The following WDR62 variants were observed in gnomAD, a reference collection of about 807,000 sequenced individuals.
The protein encoded by WDR62 is WD repeat-containing protein 62.
In WDR62, 112 loss-of-function variants were observed where a neutral mutation model predicts 160.6. The observed-to-expected ratio is 0.70, with a 90% CI of 0.60 to 0.82. WDR62 has a LOEUF of 0.82. Among genes scored for constraint, WDR62 ranks in the 40% least tolerant of loss-of-function variants. WDR62 has a pLI of 0.00. For synonymous variants in WDR62, 792 were observed against 815.1 expected (o/e 0.97, Z 0.48); for missense variants, 1,819 against 1,983.8 (o/e 0.92, Z 1.58).
chr19:36,069,798 G>A (rs1002426771), intron 7 of WDR62, among the ~76,000 whole-genome samples: 27 of 152,244 alleles, frequency 1.8e-4, no homozygotes, highest in African/African-American at 5.8e-4. Flanking sequence ...AGACCAGCCC[G>A]GCCAACACAG....
chr19:36,106,271 C>T (rs542241305), downstream of WDR62, among the ~76,000 whole-genome samples: 1 of 149,628 alleles, frequency 6.7e-6, no homozygotes, highest in Non-Finnish European at 1.5e-5. Context: ...GAGGTTGAGG[C>T]AGGAGAATCG....
At position 36,058,659 on chromosome 19, in the gene WDR62, G is replaced by A. The variant is rs570919004; in HGVS notation, c.178-121G>A. 1.0e-4 allele frequency: 76 copies of A among 739,764 alleles called. No individual in the cohort carries two copies. In the African/African-American group the frequency reaches 1.1e-3, roughly 10 times the overall value. 45.8% of individuals were successfully genotyped at this position (739,764 alleles called of 1,614,324 possible). A position where few individuals can be genotyped will look rare whatever the true frequency, so the allele number is the denominator to read the frequency against. On this transcript the variant is annotated intron_variant, in intron 1 of 31. Transcript: ENST00000401500. Reference sequence around the variant, plus strand: ...CAAGTGTTAGCTGCTGGTGGATGGCGTGGCCACAGAAGCTCAGTGTGGGTG... The same window carrying A: ...CAAGTGTTAGCTGCTGGTGGATGGCATGGCCACAGAAGCTCAGTGTGGGTG...
chr19:36,067,399 C>A lies in WDR62; in HGVS notation c.655C>A (p.Arg219Ser). The A allele has an allele frequency of 6.2e-7, 1 of 1,614,232 alleles. No individual in the cohort carries two copies. Among genetic ancestry groups the A allele is most frequent in the South Asian group, 1.1e-5 (1 of 91,084 alleles). Residue 219 changes from arginine (R) to serine (S), a missense_variant, in exon 6 of 32, where the codon CGC becomes AGC. Physicochemically the swap from Arg to Ser is moderately radical, Grantham distance 110. Around this residue, in one of 3 missense-constraint regions of WDR62, gnomAD observed 934 missense variants for 1,157.2 expected, o/e 0.81. Transcript: ENST00000401500. ...CAGCTATTTTGTCACTGTTGGGAAC[C>A]GCCATGTGAGGTTCTGGTTCTTGGA... ...DSSYFVTVGN[R>S]HVRFWFLEVS...
chr19:36,057,320 T>A (rs562240136), intron 1 of WDR62, among the ~76,000 whole-genome samples: 8 of 152,332 alleles, frequency 5.3e-5, no homozygotes, highest in Admixed American at 1.3e-4. Context: ...TTATTTATTT[T>A]TTTTGTTTGG....
At position 36,104,595 on chromosome 19, in the gene WDR62, C is replaced by A; in HGVS notation, c.4231C>A (p.Pro1411Thr). 6.2e-7 allele frequency: 1 copy of A among 1,613,756 alleles called. No homozygotes were observed. The highest frequency in any genetic ancestry group is 8.5e-7 in the Non-Finnish European group (1 of 1,179,960). The change falls in exon 31 of 32, where the codon CCC becomes ACC. Residue 1411 changes from proline (P) to threonine (T), a missense_variant. Coordinates refer to ENST00000401500, the MANE Select transcript of WDR62 (RefSeq NM_001083961.2). ...GCCGGTTGAAGCCCTGCCCCCATCT[C>A]CCCTTGAGCTGAGCAGGGTGGGGAA... Reference protein sequence around the residue: ...WVPVEALPPSPLELSRVGNIL... With the variant: ...WVPVEALPPSTLELSRVGNIL...
chr19:36,058,020 G>A (rs969375662), intron 1 of WDR62, among the ~76,000 whole-genome samples: 7 of 152,122 alleles, frequency 4.6e-5, no homozygotes, highest in East Asian at 3.9e-4. Context: ...AGCCTTCTTC[G>A]TGGCTTGTTG....
At chr19:36,080,374 G>A (rs1335129639) in intron 9 of WDR62, among the ~76,000 whole-genome samples, 3 of 151,422 alleles carry the variant, frequency 2.0e-5, no homozygotes, top group East Asian at 3.9e-4. Flanking sequence ...TCGGCCTCCC[G>A]AAGTGCTGGG....
At chr19:36,102,618 G>T in intron 26 of WDR62, 119 bp from the exon 27 acceptor site, 4 of 819,152 alleles carry the variant, frequency 4.9e-6, no homozygotes, top group Non-Finnish European at 8.0e-6. Flanking sequence ...GCCCCTGCTC[G>T]TACCCTGTGT....
intron 12 of WDR62, among the ~76,000 whole-genome samples, chr19:36,085,506 C>T (rs796172157): frequency 3.4e-5 from 5 of 148,792 alleles, no homozygotes; most frequent in African/African-American, 9.9e-5. Flanking sequence ...CTGCAACTTC[C>T]GCCTCCCAGG....
At position 36,103,716 on chromosome 19, in the gene WDR62, C is replaced by A. The variant is rs760582126; in HGVS notation, c.3888C>A (p.Asn1296Lys). ...GGGGCAACCACGAGGCCCGGGCCAA[C>A]CTGAGACTGACCCTGTCAAGTGCCT... is the stretch of plus-strand genomic sequence containing the variant. ...RSWGNHEARA[N>K]LRLTLSSACD... Residue 1296 changes from asparagine (N) to lysine (K), a missense_variant, in exon 30 of 32, where the codon AAC becomes AAA. Transcript: ENST00000401500. 4 of 1,610,992 alleles carry A rather than the reference C, an allele frequency of 2.5e-6. No individual in the cohort carries two copies. In the South Asian group the frequency reaches 4.4e-5, roughly 18 times the overall value.
Position 36,084,663 on chromosome 19 carries a change from C to G in WDR62, c.1561C>G (p.Leu521Val). 2 of 1,613,864 alleles carry G rather than the reference C, an allele frequency of 1.2e-6. No homozygotes were observed. Among genetic ancestry groups the G allele is most frequent in the Non-Finnish European group, 1.7e-6 (2 of 1,179,992 alleles). ...GTGTGTGTCTCCCAGGATCCACGAG[C>G]TGCACTTCATGGACGAGCTGGTCAA... ...DRSGNLRIHE[L>V]HFMDELVKVE... The change falls in exon 12 of 32, where the codon CTG (leucine) becomes GTG (valine). Residue 521 changes from leucine to valine, a missense_variant. Physicochemically the swap from Leu to Val is conservative, Grantham distance 32 (BLOSUM62 1). This residue lies in a region of WDR62 where 934 missense variants were observed against 1,157.2 expected (regional missense o/e 0.81). Coordinates refer to ENST00000401500, the MANE Select transcript of WDR62 (RefSeq NM_001083961.2).
chr19:36,110,993 T>G, the WDR62 span, among the ~76,000 whole-genome samples: 63 of 152,028 alleles, frequency 4.1e-4, no homozygotes, highest in African/African-American at 1.4e-3. Context: ...GATGGTTCCC[T>G]CCAAAACCTG....
chr19:36,065,881 C>G lies in WDR62; in HGVS notation c.333-77C>G, dbSNP rs1313955321. The stretch of plus-strand genomic sequence containing the variant: ...TTGGGAGGCAGAAGAGGGCAGAGTC[C>G]TATCAGAGTCGCCAGGATGGGGTCT... On this transcript the variant is annotated intron_variant, in intron 3 of 31. Coordinates refer to ENST00000401500, the MANE Select transcript of WDR62 (RefSeq NM_001083961.2). 2.8e-6 allele frequency: 4 copies of G among 1,417,228 alleles called. No individual in the cohort carries two copies. The Admixed American group carries it at 6.7e-5, about 24-fold the overall frequency. The allele number at this position is 1,417,228 out of a possible 1,614,324, so 87.8% of individuals were successfully genotyped here.
At chr19:36,090,676 G>A (rs1284425629) in intron 16 of WDR62, among the ~76,000 whole-genome samples, 156 bp downstream of exon 16, 1 of 152,176 alleles carries the variant, frequency 6.6e-6, no homozygotes, top group Non-Finnish European at 1.5e-5. Flanking sequence ...GCGAGAGGGT[G>A]GGGAGGGTGA....
In WDR62 at chr19:36,083,033, G is replaced by C. The variant is rs373930471; in HGVS notation, c.1372-30G>C. The C allele has an allele frequency of 2.5e-6, 4 of 1,601,116 alleles. No individual in the cohort carries two copies. In the African/African-American group the frequency reaches 5.4e-5, roughly 21 times the overall value. On this transcript the variant is annotated intron_variant, in intron 10 of 31. Coordinates refer to ENST00000401500, the MANE Select transcript of WDR62 (RefSeq NM_001083961.2). The stretch of plus-strand genomic sequence containing the variant: ...TTTCAGAGGTGCTTCTGAGCTGCTC[G>C]TGCTGACCTCAGCCCTGTCCTTCCT...
intron 5 of WDR62, 67 bp from the exon 6 acceptor site, chr19:36,067,239 G>A (rs1970988601): frequency 6.2e-7 from 1 of 1,609,774 alleles, no homozygotes. Context: ...TCCAGCCTGA[G>A]GGCAAAGGCA....
At chr19:36,082,302 A>G in intron 10 of WDR62, among the ~76,000 whole-genome samples, 1 of 152,178 alleles carries the variant, frequency 6.6e-6, no homozygotes, top group East Asian at 1.9e-4. Context: ...CAGCATGTGA[A>G]CTTATCTGGG....
At chr19:36,080,272 T>C (rs1028338693) in intron 9 of WDR62, among the ~76,000 whole-genome samples, 1 of 149,896 alleles carries the variant, frequency 6.7e-6, no homozygotes, top group African/African-American at 2.4e-5. Context: ...CACGCCCGGC[T>C]AATTTTTTGT....
chr19:36,105,918 C>CA (rs70950374), downstream of WDR62, among the ~76,000 whole-genome samples: 5,268 of 152,130 alleles, frequency 0.035, 224 homozygotes, highest in East Asian at 0.25. Flanking sequence ...AGGCTGGTCT[C>CA]AAACTCCTGA....
Sources: allele counts gnomAD v4.1 joint callset (sites outside exome capture counted in the v4.1 genomes callset), GRCh38; gene constraint gnomAD v4.1.1; regional missense constraint gnomAD v4.1.1; transcripts MANE v1.5; gene names NCBI Gene and HGNC (gene_info 2026-07-23, HGNC 2026-07-21).